IMMP2L: variants seen among roughly 807,000 people sequenced by gnomAD.
IMMP2L encodes mitochondrial inner membrane protease subunit 2.
In IMMP2L, 18 loss-of-function variants were observed where a neutral mutation model predicts 19.3. The observed-to-expected ratio is 0.93, with a 90% confidence interval of 0.64 to 1.38. The LOEUF is 1.38. Ranked by LOEUF, IMMP2L falls within the 40% of genes most tolerant of loss-of-function variation. The probability of loss-of-function intolerance (pLI) is 0.00; values close to 1 mark genes in which losing one functional copy is unlikely to be tolerated. For synonymous variants in IMMP2L, 76 were observed against 73.0 expected, an observed-to-expected ratio of 1.04 and a Z score of -0.21; for missense variants, 233 against 218.2, an observed-to-expected ratio of 1.07 and a Z score of -0.43.
chr7:110,868,369 A>T (rs1237299339), intron 5 of IMMP2L, among the ~76,000 whole-genome samples: 1 of 152,134 alleles, frequency 6.6e-6, no homozygotes, highest in Non-Finnish European at 1.5e-5. Flanking sequence ...GGATGAAGAC[A>T]ACCCTTTGAG....
intron 3 of IMMP2L, among the ~76,000 whole-genome samples, chr7:111,459,316 T>A (rs1163489190): frequency 1.3e-5 from 2 of 152,110 alleles, no homozygotes; most frequent in Non-Finnish European, 2.9e-5. Flanking sequence ...TCTTGATAAA[T>A]ACTGACAAGC....
At chr7:110,872,889 C>T (rs565597385) in intron 5 of IMMP2L, among the ~76,000 whole-genome samples, 2 of 152,258 alleles carry the variant, frequency 1.3e-5, no homozygotes, top group Admixed American at 1.3e-4. Context: ...TTCCCCTTAG[C>T]CTCAGAAGGC....
chr7:111,002,400 C>G (rs1823807846), intron 3 of IMMP2L, among the ~76,000 whole-genome samples: 1 of 152,222 alleles, frequency 6.6e-6, no homozygotes, highest in Middle Eastern at 3.4e-3. Context: ...TTTTATCCAA[C>G]AAATTCCTCA....
At chr7:111,084,328 AAAG>A (rs1796128647) in intron 3 of IMMP2L, among the ~76,000 whole-genome samples, 1 of 151,838 alleles carries the variant, frequency 6.6e-6, no homozygotes, top group Non-Finnish European at 1.5e-5. Flanking sequence ...AGAAAGGAAA[AAAG>A]AAGAAAGCCA....
At chr7:110,669,091 ATATG>A (rs1224265870) in intron 5 of IMMP2L, among the ~76,000 whole-genome samples, 35 of 128,242 alleles carry the variant, frequency 2.7e-4, no homozygotes, top group African/African-American at 1.1e-3. Flanking sequence ...GTGTGTGTGT[ATATG>A]TATATATATA....
rs567210720 is a variant in IMMP2L, at chr7:111,375,716, G to A, written c.239+111522C>T. Among the ~76,000 whole-genome samples the A allele has an allele frequency of 2.0e-5, 3 of 152,054 alleles. No homozygotes were observed. The South Asian group carries it at 6.2e-4, about 32-fold the overall frequency. On this transcript the variant is annotated intron_variant, in intron 3 of 5. Coordinates refer to ENST00000405709, the MANE Select transcript of IMMP2L (RefSeq NM_032549.4). ...GTTTTATATTTCTAGTAGAGATGGG[G>A]ATTCACCATGTTGGCCAGGCTCATC... is the stretch of plus-strand genomic sequence containing the variant.
At chr7:111,146,166 T>C (rs1160570522) in intron 3 of IMMP2L, among the ~76,000 whole-genome samples, 2 of 145,724 alleles carry the variant, frequency 1.4e-5, no homozygotes, top group Non-Finnish European at 3.0e-5. Flanking sequence ...TAAAAACTTA[T>C]AATTCAAAAT....
Position 111,221,570 on chromosome 7 carries a change from G to A in IMMP2L, c.240-258005C>T, listed in dbSNP as rs747966602. Among the ~76,000 whole-genome samples the A allele has an allele frequency of 2.1e-4, 32 of 151,910 alleles. No individual in the cohort carries two copies. The Middle Eastern group carries it at 0.01, about 48-fold the overall frequency. On this transcript the variant is annotated intron_variant, in intron 3 of 5. Transcript: ENST00000405709. The stretch of plus-strand genomic sequence containing the variant: ...ACACTAGCAACAATAAAAACATACG[G>A]TACACAGGGGAAAATGTGTATAATC...
chr7:110,939,822 C>A (rs1385560224), intron 4 of IMMP2L, among the ~76,000 whole-genome samples: 1 of 152,036 alleles, frequency 6.6e-6, no homozygotes, highest in African/African-American at 2.4e-5. Flanking sequence ...CAAAAGAGGG[C>A]TTACACAGAA....
intron 3 of IMMP2L, among the ~76,000 whole-genome samples, chr7:111,348,585 A>G (rs1285335990): frequency 1.3e-5 from 2 of 152,180 alleles, no homozygotes; most frequent in Non-Finnish European, 2.9e-5. Context: ...GAAAACCTGC[A>G]AAATTGTCCT....
intron 5 of IMMP2L, among the ~76,000 whole-genome samples, chr7:110,871,111 CCTAA>C (rs1808500310): frequency 6.6e-6 from 1 of 151,960 alleles, no homozygotes; most frequent in East Asian, 1.9e-4. Flanking sequence ...AAGGATGCCG[CCTAA>C]CTTTTTGTCT....
At chr7:110,968,470 C>T (rs983119046) in intron 3 of IMMP2L, among the ~76,000 whole-genome samples, 2 of 151,924 alleles carry the variant, frequency 1.3e-5, no homozygotes, top group Non-Finnish European at 2.9e-5. Flanking sequence ...CCCAGAAGTT[C>T]GAGACCAGCC....
At position 111,031,407 on chromosome 7, in the gene IMMP2L, T is replaced by TGTGTGTGTGTGTGTGTGTGTAA. The variant is rs147571783; in HGVS notation, c.240-67843_240-67842insTTACACACACACACACACACAC. Among the ~76,000 whole-genome samples, 678 of 147,202 alleles carry TGTGTGTGTGTGTGTGTGTGTAA rather than the reference T, an allele frequency of 4.6e-3. 7 individuals are homozygous for TGTGTGTGTGTGTGTGTGTGTAA. Among genetic ancestry groups the TGTGTGTGTGTGTGTGTGTGTAA allele is most frequent in the African/African-American group, 7.8e-3 (310 of 39,822 alleles). ...GTGTGTGTGTGTGTGTGTGTGTGTG[T>TGTGTGTGTGTGTGTGTGTGTAA]GAGAGAAAGAGAAATCCTATATTGA... On this transcript the variant is annotated intron_variant, in intron 3 of 5. Coordinates refer to ENST00000405709, the MANE Select transcript of IMMP2L (RefSeq NM_032549.4).
rs186831275 is a variant in IMMP2L at position 111,540,384 on chromosome 7, A to G, written c.-2-18935T>C. On this transcript the variant is annotated intron_variant, in intron 1 of 5. Coordinates refer to ENST00000405709, the MANE Select transcript of IMMP2L (RefSeq NM_032549.4). ...CAACATTGTGCAATTGCAGAACGGC[A>G]CTTCACTGGAAGTCAGGGAAACACT... Among the ~76,000 whole-genome samples the G allele has an allele frequency of 5.7e-3, 870 of 152,308 alleles. 10 individuals carry two copies. Among genetic ancestry groups the G allele is most frequent in the Middle Eastern group, 0.054 (16 of 294 alleles).
At chr7:111,152,365 CT>C (rs1419627552) in intron 3 of IMMP2L, among the ~76,000 whole-genome samples, 1 of 151,988 alleles carries the variant, frequency 6.6e-6, no homozygotes, top group Non-Finnish European at 1.5e-5. Flanking sequence ...TTTCCTTAGG[CT>C]CTTCCTCAAT....
chr7:111,551,579 C>G (rs1020929548), intron 1 of IMMP2L, among the ~76,000 whole-genome samples: 1 of 150,958 alleles, frequency 6.6e-6, no homozygotes, highest in Non-Finnish European at 1.5e-5. Flanking sequence ...GGCTAAGCAA[C>G]TAACAAAGAG....
chr7:110,902,478 A>AT (rs1811977425), intron 4 of IMMP2L, among the ~76,000 whole-genome samples: 3 of 104,196 alleles, frequency 2.9e-5, no homozygotes, highest in African/African-American at 1.3e-4. Context: ...ATGAATGATA[A>AT]AATATATATA....
Position 111,232,048 on chromosome 7 carries a change from A to G in IMMP2L, c.239+255190T>C, listed in dbSNP as rs1203382663. 2.0e-5 allele frequency among the ~76,000 whole-genome samples: 3 copies of G among 152,146 alleles called. No homozygotes were observed. In the East Asian group the frequency reaches 5.8e-4, roughly 29 times the overall value. ...AGAGACTTAGTATCACTCATAATTT[A>G]AAAGAAATGTTTAATAAATGTGTAC... On this transcript the variant is annotated intron_variant, in intron 3 of 5. Coordinates refer to ENST00000405709, the MANE Select transcript of IMMP2L (RefSeq NM_032549.4).
intron 3 of IMMP2L, among the ~76,000 whole-genome samples, chr7:111,332,111 A>G (rs918176972): frequency 6.6e-6 from 1 of 151,938 alleles, no homozygotes; most frequent in Non-Finnish European, 1.5e-5. Context: ...ACTAAAGAAT[A>G]TCAATAACAG....
Sources: allele counts gnomAD v4.1 joint callset (sites outside exome capture counted in the v4.1 genomes callset), GRCh38; gene constraint gnomAD v4.1.1; transcripts MANE v1.5; gene names NCBI Gene and HGNC (gene_info 2026-07-23, HGNC 2026-07-21).